The following SLC35F4 variants were observed in gnomAD, a reference collection of about 807,000 sequenced individuals.
SLC35F4 encodes the protein chromosome 14 open reading frame 36.
Under a neutral mutation model 44.2 loss-of-function variants are expected in SLC35F4, and 24 were observed. The ratio of observed to expected loss-of-function variants is 0.54; its 90% CI spans 0.39 to 0.76. SLC35F4 has a LOEUF of 0.76. Ranked by LOEUF, SLC35F4 falls within the 30% of genes least tolerant of loss-of-function variation. SLC35F4 has a pLI of 0.00. For missense variants in SLC35F4, 562 were observed against 586.1 expected, an observed-to-expected ratio of 0.96 and a Z score of 0.42; for synonymous variants, 238 against 223.6, an observed-to-expected ratio of 1.06 and a Z score of -0.57.
At chr14:57,925,487 AAGGAAGGAAGGGAGGGAGGG>A (rs1175504501) in intron 1 of SLC35F4, among the ~76,000 whole-genome samples, 2 of 82,488 alleles carry the variant, frequency 2.4e-5, no homozygotes, top group Non-Finnish European at 4.8e-5. Context: ...AGAAGGAAGG[AAGGAAGGAAGGGAGGGAGGG>A]AGGGAGGGAG....
chr14:57,967,453 T>A (rs1396517587), intron 1 of SLC35F4, among the ~76,000 whole-genome samples: 1 of 152,188 alleles, frequency 6.6e-6, no homozygotes, highest in African/African-American at 2.4e-5. Context: ...TTTGGAGCAT[T>A]TTTAACATAA....
At chr14:57,707,804 G>A (rs935975760) in intron 1 of SLC35F4, among the ~76,000 whole-genome samples, 9 of 152,152 alleles carry the variant, frequency 5.9e-5, no homozygotes, top group African/African-American at 2.2e-4. Context: ...AATTATAACT[G>A]AGGAAATTAT....
intron 1 of SLC35F4, among the ~76,000 whole-genome samples, chr14:57,675,819 T>C (rs1344583534): frequency 1.3e-5 from 2 of 152,078 alleles, no homozygotes; most frequent in East Asian, 1.9e-4. Context: ...GTCACATTTA[T>C]TGACTTGTGT....
chr14:57,912,886 G>T (rs1889244713), intron 1 of SLC35F4, among the ~76,000 whole-genome samples: 2 of 152,088 alleles, frequency 1.3e-5, no homozygotes, highest in Non-Finnish European at 2.9e-5. Context: ...TATAACTATG[G>T]ATTCACTTAT....
intron 1 of SLC35F4, among the ~76,000 whole-genome samples, chr14:57,689,109 C>T (rs1468468171): frequency 2.0e-5 from 3 of 152,128 alleles, no homozygotes; most frequent in African/African-American, 7.2e-5. Flanking sequence ...ACTGAAATAT[C>T]CTATAAGTGC....
chr14:57,789,886 G>C (rs1381341842), intron 1 of SLC35F4, among the ~76,000 whole-genome samples: 4 of 152,124 alleles, frequency 2.6e-5, no homozygotes, highest in African/African-American at 9.7e-5. Context: ...CAGAACCAAT[G>C]GCAAAAACCA....
intron 1 of SLC35F4, among the ~76,000 whole-genome samples, chr14:57,814,052 G>A (rs1882287943): frequency 6.6e-6 from 1 of 152,220 alleles, no homozygotes; most frequent in Non-Finnish European, 1.5e-5. Flanking sequence ...AAAAGCCCAG[G>A]ATGCAGCTGT....
At chr14:57,748,560 G>C (rs1038650312) in intron 1 of SLC35F4, among the ~76,000 whole-genome samples, 4 of 151,990 alleles carry the variant, frequency 2.6e-5, no homozygotes, top group Non-Finnish European at 4.4e-5. Flanking sequence ...GACTGGATCT[G>C]GAAATCTGCA....
chr14:57,911,835 A>G (rs1320108604), intron 1 of SLC35F4, among the ~76,000 whole-genome samples: 1 of 152,006 alleles, frequency 6.6e-6, no homozygotes. Context: ...ATTTTCTGAA[A>G]TAGATTGTAG....
chr14:57,795,240 C>T (rs187705836), intron 1 of SLC35F4, among the ~76,000 whole-genome samples: 3 of 152,202 alleles, frequency 2.0e-5, no homozygotes, highest in East Asian at 1.9e-4. Context: ...AGGTTTGGAT[C>T]GATGGAAAAA....
downstream of SLC35F4, among the ~76,000 whole-genome samples, chr14:57,975,039 T>C (rs1489874939): frequency 1.3e-5 from 2 of 152,214 alleles, no homozygotes; most frequent in African/African-American, 4.8e-5. Context: ...ATTCTCAAAG[T>C]AAATAACTTT....
At chr14:57,678,744 G>C (rs1160959600) in intron 1 of SLC35F4, among the ~76,000 whole-genome samples, 1 of 151,202 alleles carries the variant, frequency 6.6e-6, no homozygotes, top group African/African-American at 2.4e-5. Context: ...TGATAAAACA[G>C]ACTTTAAACC....
At chr14:57,591,167 G>C (rs894491177) in intron 2 of SLC35F4, among the ~76,000 whole-genome samples, 5 of 152,212 alleles carry the variant, frequency 3.3e-5, no homozygotes, top group African/African-American at 1.2e-4. Context: ...TAGCTACTTG[G>C]ATCCTAAGGA....
intron 1 of SLC35F4, among the ~76,000 whole-genome samples, chr14:57,945,688 G>A (rs976999546): frequency 1.1e-4 from 17 of 152,014 alleles, no homozygotes; most frequent in African/African-American, 3.6e-4. Flanking sequence ...GTTCTTTAAG[G>A]AATCTTCACA....
intron 1 of SLC35F4, chr14:57,596,918 T>C: frequency 7.4e-7 from 1 of 1,356,746 alleles, no homozygotes; most frequent in South Asian, 1.2e-5. Context: ...TTAATCACTG[T>C]CTTAAACAAT....
intron 2 of SLC35F4, among the ~76,000 whole-genome samples, chr14:57,592,546 G>A (rs1189336463): frequency 6.6e-6 from 1 of 152,078 alleles, no homozygotes; most frequent in Non-Finnish European, 1.5e-5. Context: ...TTAATTAACT[G>A]GAACATTTTG....
At chr14:57,724,688 TC>T (rs1306730920) in intron 1 of SLC35F4, among the ~76,000 whole-genome samples, 1 of 152,130 alleles carries the variant, frequency 6.6e-6, no homozygotes, top group East Asian at 1.9e-4. Context: ...CATGGGGAGT[TC>T]CCTATGGTCA....
intron 1 of SLC35F4, among the ~76,000 whole-genome samples, chr14:57,728,625 T>G (rs539127146): frequency 1.1e-4 from 16 of 151,908 alleles, no homozygotes; most frequent in African/African-American, 3.4e-4. Flanking sequence ...AATTTTTATA[T>G]TTTTAGGAGA....
intron 1 of SLC35F4, among the ~76,000 whole-genome samples, chr14:57,888,965 A>G (rs1401644378): frequency 6.6e-6 from 1 of 152,244 alleles, no homozygotes; most frequent in Non-Finnish European, 1.5e-5. Flanking sequence ...AGTATATGCC[A>G]TGAGCCAGTC....
Sources: allele counts gnomAD v4.1 joint callset (sites outside exome capture counted in the v4.1 genomes callset), GRCh38; gene constraint gnomAD v4.1.1; transcripts MANE v1.5; gene names NCBI Gene and HGNC (gene_info 2026-07-23, HGNC 2026-07-21).